LAMB4: variants seen among roughly 807,000 people sequenced by gnomAD.
LAMB4 encodes laminin subunit beta-4.
LAMB4 carries 196 observed loss-of-function variants against 199.2 expected under a neutral mutation model. That is an observed-to-expected ratio of 0.98 (90% confidence interval 0.88 to 1.11). LAMB4 has a LOEUF of 1.11. Among genes scored for constraint, LAMB4 ranks in the 50% least tolerant of loss-of-function variants. The pLI is 0.00. For synonymous variants in LAMB4, 744 were observed against 770.6 expected, an observed-to-expected ratio of 0.97 and a Z score of 0.57; for missense variants, 2,080 against 2,171.2, an observed-to-expected ratio of 0.96 and a Z score of 0.83.
intron 20 of LAMB4, 69 bp downstream of exon 20, chr7:108,066,300 G>A: frequency 8.8e-7 from 1 of 1,136,470 alleles, no homozygotes; most frequent in Non-Finnish European, 1.3e-6. Context: ...TCTACTCAAT[G>A]GATCTCTATT....
At chr7:108,105,444 G>T (rs2037968848) in intron 8 of LAMB4, among the ~76,000 whole-genome samples, 1 of 152,124 alleles carries the variant, frequency 6.6e-6, no homozygotes, top group South Asian at 2.1e-4. Context: ...CAGTAATTTT[G>T]GTTTTTGCAA....
chr7:108,096,134 C>T (rs1490521987), intron 11 of LAMB4, among the ~76,000 whole-genome samples: 2 of 152,196 alleles, frequency 1.3e-5, no homozygotes, highest in Admixed American at 6.5e-5. Context: ...AAAACTGAAA[C>T]TCTATGCCCT....
Position 108,078,309 on chromosome 7 carries a change from G to T in LAMB4, c.1895C>A (p.Ala632Asp), listed in dbSNP as rs771625688. 5.6e-6 allele frequency: 9 copies of T among 1,596,252 alleles called. No individual in the cohort carries two copies. In the East Asian group the frequency reaches 1.8e-4, roughly 32 times the overall value. ...IAIHYETQSA[A>D]DWTVQIVVNP... ...CACCACAATCTGGACAGTCCAGTCA[G>T]CTGCAGACTAGACAGGCATGACATT... is the stretch of plus-strand genomic sequence containing the variant. The change falls in exon 16 of 34, where the codon GCT becomes GAT. Residue 632 changes from alanine (A) to aspartate (D), a missense_variant. By Grantham distance (126) the Ala-to-Asp change is moderately radical (BLOSUM62 -2). Transcript: ENST00000388781.
chr7:108,016,103 G>T, the LAMB4 span, among the ~76,000 whole-genome samples: 1 of 152,012 alleles, frequency 6.6e-6, no homozygotes, highest in Non-Finnish European at 1.5e-5. Flanking sequence ...AAGAGAAGTT[G>T]TCTTGGAAGA....
chr7:108,096,606 G>A (rs576430211), intron 11 of LAMB4, among the ~76,000 whole-genome samples: 1 of 152,018 alleles, frequency 6.6e-6, no homozygotes, highest in Non-Finnish European at 1.5e-5. Flanking sequence ...TGTTTACAGG[G>A]TGAATTGTAT....
chr7:108,088,848 A>G (rs1025518780), intron 14 of LAMB4, among the ~76,000 whole-genome samples: 1 of 152,208 alleles, frequency 6.6e-6, no homozygotes, highest in African/African-American at 2.4e-5. Flanking sequence ...ATCTGACAGC[A>G]ATAACTTAAG....
At position 108,111,966 on chromosome 7, in the gene LAMB4, A is replaced by G. The variant is rs2038243067; in HGVS notation, c.193-20T>C. 6.3e-7 allele frequency: 1 copy of G among 1,578,094 alleles called. No individual in the cohort carries two copies. Among genetic ancestry groups the G allele is most frequent in the African/African-American group, 1.4e-5 (1 of 73,012 alleles). ...TTCCCCCTGGAAAACACCATTATTAAAATTAAAAATAAAAATTGGAATTAC... is the reference window on the plus strand; with the variant it reads ...TTCCCCCTGGAAAACACCATTATTAGAATTAAAAATAAAAATTGGAATTAC... On this transcript the variant is annotated intron_variant, in intron 3 of 33. Coordinates refer to ENST00000388781, the MANE Select transcript of LAMB4 (RefSeq NM_007356.3).
chr7:108,050,618 C>T (rs1289989128), intron 26 of LAMB4, among the ~76,000 whole-genome samples: 1 of 152,186 alleles, frequency 6.6e-6, no homozygotes, highest in Non-Finnish European at 1.5e-5. Context: ...CTGATCTGAT[C>T]TTTACTCCCT....
chr7:108,126,848 G>T (rs1354109661), intron 1 of LAMB4, among the ~76,000 whole-genome samples: 1 of 152,004 alleles, frequency 6.6e-6, no homozygotes, highest in Non-Finnish European at 1.5e-5. Context: ...GATTACAGGC[G>T]TGAGCCACCG....
intron 29 of LAMB4, among the ~76,000 whole-genome samples, chr7:108,039,153 A>G (rs2035332002): frequency 6.6e-6 from 1 of 152,018 alleles, no homozygotes; most frequent in Admixed American, 6.6e-5. Context: ...TGCATGGATC[A>G]CTCTTGGCAG....
At position 108,071,362 on chromosome 7, in the gene LAMB4, C is replaced by A. The variant is rs183133178; in HGVS notation, c.2125-1477G>T. On this transcript the variant is annotated intron_variant, in intron 17 of 33. Transcript: ENST00000388781. ...TCTCATCAGCACCCCCCTAACTCCA[C>A]ACCTACTTCCTAGGTGATCTTGGCC... is the stretch of plus-strand genomic sequence containing the variant. Among the ~76,000 whole-genome samples, 8 of 152,270 alleles carry A rather than the reference C, an allele frequency of 5.3e-5. No individual in the cohort carries two copies. In the East Asian group the frequency reaches 1.5e-3, roughly 29 times the overall value.
At chr7:108,013,140 G>A in the LAMB4 span, among the ~76,000 whole-genome samples, 1 of 152,244 alleles carries the variant, frequency 6.6e-6, no homozygotes, top group Admixed American at 6.5e-5. Flanking sequence ...TAAGTGGTTA[G>A]TGTATGAATA....
At chr7:108,107,557 G>GTT (rs1296126030) in intron 6 of LAMB4, 74 bp downstream of exon 6, 2 of 1,226,866 alleles carry the variant, frequency 1.6e-6, no homozygotes, top group Non-Finnish European at 2.3e-6. Flanking sequence ...ACTATCGAAA[G>GTT]TTTTTCATTT....
chr7:108,076,897 G>A (rs371801887), intron 17 of LAMB4, 47 bp downstream of exon 17: 23 of 1,595,814 alleles, frequency 1.4e-5, no homozygotes, highest in African/African-American at 6.7e-5. Flanking sequence ...TAGTTATAAC[G>A]GTGCTTAGTA....
intron 33 of LAMB4, 91 bp from the exon 34 acceptor site, chr7:108,024,269 C>T (rs2034759383): frequency 1.6e-6 from 1 of 615,380 alleles, no homozygotes; most frequent in East Asian, 3.2e-5. Flanking sequence ...GATTTATGCG[C>T]CTCTCAAAGA....
chr7:108,122,594 T>C (rs2038639536), intron 2 of LAMB4, among the ~76,000 whole-genome samples: 1 of 152,218 alleles, frequency 6.6e-6, no homozygotes, highest in Non-Finnish European at 1.5e-5. Flanking sequence ...TAGTAATCAG[T>C]AACCAAAAGC....
In LAMB4 at chr7:108,058,749, A is replaced by G. The variant is rs537300102; in HGVS notation, c.3283-821T>C. On this transcript the variant is annotated intron_variant, in intron 23 of 33. Transcript: ENST00000388781. ...CAGCTCACTGCAACCTCTGCCTCCC[A>G]GGTTCAAGTGATTACTCCCATCTCA... Among the ~76,000 whole-genome samples, 317 of 152,226 alleles carry G rather than the reference A, an allele frequency of 2.1e-3. 1 individual carries two copies. Among genetic ancestry groups the G allele is most frequent in the African/African-American group, 7.3e-3 (302 of 41,544 alleles).
intron 15 of LAMB4, among the ~76,000 whole-genome samples, chr7:108,078,961 G>A (rs2036816208): frequency 6.6e-6 from 1 of 152,144 alleles, no homozygotes; most frequent in Admixed American, 6.5e-5. Flanking sequence ...GTCCCTAGTG[G>A]GGCTTGGGAG....
At position 108,078,398 on chromosome 7, in the gene LAMB4, A is replaced by C. The variant is rs2036790161; in HGVS notation, c.1888-82T>G. The C allele has an allele frequency of 3.4e-5, 30 of 886,636 alleles. 1 individual carries two copies. The South Asian group carries it at 4.5e-4, about 13-fold the overall frequency. 54.9% of individuals were successfully genotyped at this position (886,636 alleles called of 1,614,324 possible). ...ACGTACACACATATAGCTAATGGAA[A>C]GTGCATGGACTTGAATTTGCAACCC... On this transcript the variant is annotated intron_variant, in intron 15 of 33. Coordinates refer to ENST00000388781, the MANE Select transcript of LAMB4 (RefSeq NM_007356.3).
Sources: allele counts gnomAD v4.1 joint callset (sites outside exome capture counted in the v4.1 genomes callset), GRCh38; gene constraint gnomAD v4.1.1; transcripts MANE v1.5; gene names NCBI Gene and HGNC (gene_info 2026-07-23, HGNC 2026-07-21).